Variants in ABR observed in about 807,000 individuals in gnomAD.
ABR encodes active breakpoint cluster region-related protein.
A neutral mutation model predicts 107.2 loss-of-function variants in ABR; 35 were observed. The observed-to-expected ratio is 0.33, with a 90% CI of 0.25 to 0.43. The LOEUF is 0.43. ABR is among the 20% of genes least tolerant of loss of function. ABR has a pLI of 1.00. For missense variants in ABR, 815 were observed against 1,115.2 expected (o/e 0.73, Z 3.83); for synonymous variants, 498 against 462.0 (o/e 1.08, Z -1.00).
rs1214681905 is a variant in ABR at position 1,150,635 on chromosome 17, G to C, written c.62-25268C>G. Among the ~76,000 whole-genome samples, 1 of 152,144 alleles carries C rather than the reference G, an allele frequency of 6.6e-6. No homozygotes were observed. The highest frequency in any genetic ancestry group is 1.5e-5 in the Non-Finnish European group (1 of 68,030). ...AGTCCTAGATCTGAGCTCCTTCCTGGGAGTCCAGGGCCCTTCACAAGTTTG... is the reference window on the plus strand; with the variant it reads ...AGTCCTAGATCTGAGCTCCTTCCTGCGAGTCCAGGGCCCTTCACAAGTTTG... On this transcript the variant is annotated intron_variant, in intron 1 of 22. Coordinates refer to ENST00000302538, the MANE Select transcript of ABR (RefSeq NM_021962.5). This position sits in a 1 kb window ranked among gnomAD's most constrained non-coding sequence, Gnocchi z 4.8.
chr17:1,023,909 C>G (rs1032567387), intron 16 of ABR, among the ~76,000 whole-genome samples: 2 of 151,770 alleles, frequency 1.3e-5, no homozygotes, highest in Non-Finnish European at 2.9e-5. Context: ...CCTGTAAACC[C>G]AGCTACTCAG....
In ABR at chr17:1,009,571, C is replaced by T. The variant is rs866798275; in HGVS notation, c.2342+108G>A. ...AGGAGGTGGGGTTGGGGCCACTCCC[C>T]GTTACCTTTTCACGAGGAGGGACTG... On this transcript the variant is annotated intron_variant, in intron 21 of 22. Coordinates refer to ENST00000302538, the MANE Select transcript of ABR (RefSeq NM_021962.5). 1.5e-4 allele frequency: 136 copies of T among 916,642 alleles called. 1 individual carries two copies. In the South Asian group the frequency reaches 1.7e-3, roughly 12 times the overall value. 56.8% of individuals were successfully genotyped at this position (916,642 alleles called of 1,614,324 possible). A position where few individuals can be genotyped will look rare whatever the true frequency, so the allele number is the denominator to read the frequency against.
At chr17:1,184,311 T>G (rs1199584832), upstream of ABR, among the ~76,000 whole-genome samples, 1 of 151,954 alleles carries the variant, frequency 6.6e-6, no homozygotes, top group Non-Finnish European at 1.5e-5. Flanking sequence ...AAACATTAGC[T>G]GGGCATGGTG....
intron 1 of ABR, among the ~76,000 whole-genome samples, chr17:1,143,535 CAGCTCATTCCTG>C (rs2040404465): frequency 1.0e-5 from 1 of 97,124 alleles, no homozygotes; most frequent in Admixed American, 1.0e-4. Flanking sequence ...TCCTGGGGGA[CAGCTCATTCCTG>C]GGGGACAGCT....
At chr17:1,036,947 G>A (rs866483504) in intron 16 of ABR, among the ~76,000 whole-genome samples, 2 of 152,154 alleles carry the variant, frequency 1.3e-5, no homozygotes, top group Non-Finnish European at 2.9e-5. Context: ...AGCAGCCAAT[G>A]GCAGATTAGA....
chr17:1,012,957 T>C, intron 17 of ABR, 148 bp downstream of exon 17: 1 of 1,091,162 alleles, frequency 9.2e-7, no homozygotes, highest in Non-Finnish European at 1.4e-6. Flanking sequence ...GGGCAGGGTG[T>C]GGGCAGGAGG....
chr17:1,221,499 T>A (rs752545052), intron 1 of ABR, among the ~76,000 whole-genome samples: 1 of 152,230 alleles, frequency 6.6e-6, no homozygotes, highest in Non-Finnish European at 1.5e-5. Flanking sequence ...TCGGCCGGAC[T>A]GCTGGCCGCT....
chr17:1,037,865 C>T lies in ABR; in HGVS notation c.1791+12185G>A, dbSNP rs1338524050. On this transcript the variant is annotated intron_variant, in intron 16 of 22. Coordinates refer to ENST00000302538, the MANE Select transcript of ABR (RefSeq NM_021962.5). The surrounding 1 kb of genome is among the most constrained non-coding windows in gnomAD (Gnocchi z 4.6). The stretch of plus-strand genomic sequence containing the variant: ...AAGCAAAGCCCTGGGAGCCAGGGAC[C>T]TGTGGACTCAACGGCTGTGTTTTTC... 6.6e-6 allele frequency among the ~76,000 whole-genome samples: 1 copy of T among 152,196 alleles called. No individual in the cohort carries two copies. The highest frequency in any genetic ancestry group is 1.5e-5 in the Non-Finnish European group (1 of 68,044).
At chr17:1,215,529 G>C in intron 1 of ABR, among the ~76,000 whole-genome samples, 1 of 152,170 alleles carries the variant, frequency 6.6e-6, no homozygotes, top group Non-Finnish European at 1.5e-5. Flanking sequence ...ACGGAGTCTC[G>C]TTCACTGAGT....
At chr17:1,212,612 G>A (rs1005681640) in intron 1 of ABR, among the ~76,000 whole-genome samples, 13 of 152,112 alleles carry the variant, frequency 8.5e-5, no homozygotes, top group African/African-American at 2.9e-4. Context: ...AAAATTGGCC[G>A]GGCATGGTGG....
Position 1,148,652 on chromosome 17 carries a change from G to A in ABR, c.62-23285C>T, listed in dbSNP as rs1221543514. On this transcript the variant is annotated intron_variant, in intron 1 of 22. Coordinates refer to ENST00000302538, the MANE Select transcript of ABR (RefSeq NM_021962.5). The surrounding 1 kb of genome is among the most constrained non-coding windows in gnomAD (Gnocchi z 4.9). ...CCTGTCGTGATCTGCGCGTGCGAGG[G>A]ATCGCAGTTCCATCCCGAAAGCGCT... Among the ~76,000 whole-genome samples, 1 of 152,212 alleles carries A rather than the reference G, an allele frequency of 6.6e-6. No individual in the cohort carries two copies. Among genetic ancestry groups the A allele is most frequent in the Non-Finnish European group, 1.5e-5 (1 of 68,034 alleles).
At chr17:1,074,615 C>T (rs1365440566) in intron 6 of ABR, among the ~76,000 whole-genome samples, 1 of 152,232 alleles carries the variant, frequency 6.6e-6, no homozygotes, top group Admixed American at 6.5e-5. Context: ...ACAGGACTGG[C>T]CTCATCTCTC....
chr17:1,014,347 A>T (rs1332972393), intron 16 of ABR, among the ~76,000 whole-genome samples: 1 of 132,324 alleles, frequency 7.6e-6, no homozygotes, highest in African/African-American at 2.9e-5. Flanking sequence ...AGGCTGAGGC[A>T]GGAGAATAGC....
intron 1 of ABR, among the ~76,000 whole-genome samples, chr17:1,151,262 G>A (rs1475140557): frequency 6.6e-6 from 1 of 152,120 alleles, no homozygotes; most frequent in Non-Finnish European, 1.5e-5. Flanking sequence ...ATGACTGCCA[G>A]GCTCTCACAG....
chr17:1,060,300 C>A (rs764966405), intron 10 of ABR, among the ~76,000 whole-genome samples: 10 of 152,004 alleles, frequency 6.6e-5, no homozygotes, highest in Admixed American at 1.3e-4. Flanking sequence ...ATCCCAGCTA[C>A]TCGGGAGGCT....
At chr17:1,095,896 G>T (rs1376159365) in intron 3 of ABR, among the ~76,000 whole-genome samples, 4 of 152,200 alleles carry the variant, frequency 2.6e-5, no homozygotes, top group African/African-American at 4.8e-5. Flanking sequence ...CAGGGAGGAA[G>T]GCCTCATTCA....
intron 14 of ABR, 36 bp downstream of exon 14, chr17:1,055,999 T>C: frequency 6.3e-7 from 1 of 1,591,970 alleles, no homozygotes; most frequent in Non-Finnish European, 8.6e-7. Flanking sequence ...GAATCCACAA[T>C]GGCCCACCCA....
exon 1 of ABR, among the ~76,000 whole-genome samples, chr17:1,229,372 C>G (rs1015804541): frequency 1.4e-5 from 2 of 146,416 alleles, no homozygotes; most frequent in South Asian, 2.1e-4. Context: ...CGCCCGGGGT[C>G]CCCGCGGGGA....
intron 16 of ABR, among the ~76,000 whole-genome samples, chr17:1,028,939 C>T (rs1482612600): frequency 7.4e-6 from 1 of 135,042 alleles, no homozygotes; most frequent in East Asian, 2.6e-4. Flanking sequence ...GCTGCGGGGG[C>T]AGGGTGGGGG....
Sources: allele counts gnomAD v4.1 joint callset (sites outside exome capture counted in the v4.1 genomes callset), GRCh38; gene constraint gnomAD v4.1.1; non-coding constraint Gnocchi (gnomAD v3.1); transcripts MANE v1.5; gene names NCBI Gene and HGNC (gene_info 2026-07-23, HGNC 2026-07-21).